The following ENAH variants were observed in gnomAD, a reference collection of about 807,000 sequenced individuals.
ENAH encodes ENAH actin regulator, also known as protein enabled homolog.
Under a neutral mutation model 78.7 loss-of-function variants are expected in ENAH, and 23 were observed. That is an observed-to-expected ratio of 0.29 (90% CI 0.21 to 0.41). The LOEUF is 0.41. Among genes scored for constraint, ENAH ranks in the 10% least tolerant of loss-of-function variants. ENAH has a pLI of 1.00. For missense variants in ENAH, 544 were observed against 691.0 expected (o/e 0.79, Z 2.39); for synonymous variants, 226 against 241.0 (o/e 0.94, Z 0.58).
chr1:225,605,036 T>C (rs532830089), intron 1 of ENAH, among the ~76,000 whole-genome samples: 45 of 152,270 alleles, frequency 3.0e-4, no homozygotes, highest in African/African-American at 1.0e-3. Flanking sequence ...AACGTGAATA[T>C]CCACTGACTC....
chr1:225,571,890 C>A (rs866985573), intron 1 of ENAH, among the ~76,000 whole-genome samples: 2 of 152,140 alleles, frequency 1.3e-5, no homozygotes, highest in Admixed American at 6.5e-5. Flanking sequence ...TTACCCTATG[C>A]CTCTCTTCCA....
intron 5 of ENAH, among the ~76,000 whole-genome samples, chr1:225,518,796 C>T (rs1289768163): frequency 1.3e-5 from 2 of 152,068 alleles, no homozygotes; most frequent in Non-Finnish European, 2.9e-5. Flanking sequence ...CTTTAGAATG[C>T]AATCAAGCAA....
At chr1:225,608,190 T>G (rs2096966392) in intron 1 of ENAH, among the ~76,000 whole-genome samples, 1 of 106,684 alleles carries the variant, frequency 9.4e-6, no homozygotes, top group African/African-American at 3.6e-5. Flanking sequence ...AAACTTTAAA[T>G]CCAATAAAGG....
rs1018126917 is a variant in ENAH at position 225,494,457 on chromosome 1, G to A, written c.*3318C>T. Reference sequence around the variant, plus strand: ...ACATAAAGGATAATTCTAACTGCATGAATGAGTTTTAAGTACCTGAACGTG... The same window carrying A: ...ACATAAAGGATAATTCTAACTGCATAAATGAGTTTTAAGTACCTGAACGTG... On this transcript the variant is annotated 3_prime_UTR_variant, in exon 14 of 14. Transcript: ENST00000366843. The A allele has an allele frequency of 6.6e-6, 1 of 152,080 alleles. No homozygotes were observed. The highest frequency in any genetic ancestry group is 2.4e-5 in the African/African-American group (1 of 41,400). 9.4% of individuals were successfully genotyped at this position (152,080 alleles called of 1,614,324 possible).
At chr1:225,632,015 T>A (rs1659176066) in intron 1 of ENAH, among the ~76,000 whole-genome samples, 1 of 152,226 alleles carries the variant, frequency 6.6e-6, no homozygotes, top group Admixed American at 6.5e-5. Context: ...TAGTAACAAT[T>A]CACAAAACAT....
intron 12 of ENAH, among the ~76,000 whole-genome samples, chr1:225,499,366 C>T (rs546695424): frequency 3.9e-5 from 6 of 152,168 alleles, no homozygotes; most frequent in African/African-American, 1.4e-4. Context: ...GTGCTCTGGG[C>T]CCTCCTTCAA....
At position 225,533,192 on chromosome 1, in the gene ENAH, G is replaced by A. The variant is rs539327818; in HGVS notation, c.350-2554C>T. ...AGTTCCAGGTAAATATAAATTTAAG[G>A]TACACAATTACATTTTTCCTTCTTG... is the stretch of plus-strand genomic sequence containing the variant. On this transcript the variant is annotated intron_variant, in intron 3 of 13. Transcript: ENST00000366843. 5.3e-5 allele frequency among the ~76,000 whole-genome samples: 8 copies of A among 152,068 alleles called. No homozygotes were observed. In the South Asian group the frequency reaches 1.5e-3, roughly 28 times the overall value.
intron 11 of ENAH, among the ~76,000 whole-genome samples, chr1:225,503,001 A>G (rs1253214305): frequency 1.3e-5 from 2 of 152,240 alleles, no homozygotes; most frequent in Non-Finnish European, 2.9e-5. Flanking sequence ...TAATTGGGCA[A>G]GTATGTTATG....
intron 1 of ENAH, among the ~76,000 whole-genome samples, chr1:225,649,420 TAACA>T (rs1331102784): frequency 6.6e-6 from 1 of 151,080 alleles, no homozygotes; most frequent in Non-Finnish European, 1.5e-5. Flanking sequence ...AAATCTTAAG[TAACA>T]AACCAACTAA....
At chr1:225,558,895 A>C (rs1334923689) in intron 2 of ENAH, among the ~76,000 whole-genome samples, 1 of 151,986 alleles carries the variant, frequency 6.6e-6, no homozygotes, top group African/African-American at 2.4e-5. Flanking sequence ...GGCCTCCCAA[A>C]GTGCTGGGAT....
intron 1 of ENAH, among the ~76,000 whole-genome samples, chr1:225,623,464 CT>C (rs926055825): frequency 8.6e-5 from 13 of 151,646 alleles, no homozygotes; most frequent in Non-Finnish European, 1.9e-4. Flanking sequence ...ACAAATTTTT[CT>C]TTTTTTTAGA....
chr1:225,493,690 T>A lies in ENAH; in HGVS notation c.*4085A>T, dbSNP rs567105116. 4 of 152,304 alleles carry A rather than the reference T, an allele frequency of 2.6e-5. No individual in the cohort carries two copies. Among genetic ancestry groups the A allele is most frequent in the Non-Finnish European group, 5.9e-5 (4 of 68,018 alleles). The allele number at this position is 152,304 out of a possible 1,614,324, so 9.4% of individuals were successfully genotyped here. On this transcript the variant is annotated 3_prime_UTR_variant, in exon 14 of 14. Transcript: ENST00000366843. ...ATTTTATGATAGCTACATAAAGGAA[T>A]TAAGAGCTCCTGCAGAGTTCCTTTG...
chr1:225,561,619 T>TTAAATAAAATAAAATAAAATAAAA (rs2096706280), intron 2 of ENAH, among the ~76,000 whole-genome samples: 1 of 125,810 alleles, frequency 7.9e-6, no homozygotes, highest in African/African-American at 3.0e-5. Context: ...AGATTCCGTC[T>TTAAATAAAATAAAATAAAATAAAA]TAAAATAAAA....
chr1:225,651,635 C>T (rs1663025867), intron 1 of ENAH, among the ~76,000 whole-genome samples: 1 of 152,144 alleles, frequency 6.6e-6, no homozygotes, highest in Non-Finnish European at 1.5e-5. Context: ...GAGTAATTTA[C>T]TTTATCCACA....
chr1:225,528,372 C>T (rs1488351046), intron 4 of ENAH, among the ~76,000 whole-genome samples: 1 of 151,866 alleles, frequency 6.6e-6, no homozygotes, highest in South Asian at 2.1e-4. Flanking sequence ...AAACACAGAG[C>T]GAAAGATGAG....
chr1:225,558,455 T>C (rs1427889731), intron 2 of ENAH, among the ~76,000 whole-genome samples: 1 of 152,064 alleles, frequency 6.6e-6, no homozygotes, highest in Non-Finnish European at 1.5e-5. Flanking sequence ...TAAAATAAAG[T>C]AGCTCAAAAT....
At chr1:225,575,594 C>T (rs1294506675) in intron 1 of ENAH, among the ~76,000 whole-genome samples, 1 of 152,188 alleles carries the variant, frequency 6.6e-6, no homozygotes, top group African/African-American at 2.4e-5. Context: ...AATAACACGC[C>T]TTCCCCTCTT....
At chr1:225,543,146 T>C (rs2096597766) in intron 3 of ENAH, among the ~76,000 whole-genome samples, 2 of 152,168 alleles carry the variant, frequency 1.3e-5, no homozygotes, top group African/African-American at 4.8e-5. Flanking sequence ...ATAAGGCTAA[T>C]TCCATTAGTT....
At chr1:225,563,491 T>C (rs1180579322) in intron 2 of ENAH, among the ~76,000 whole-genome samples, 1 of 152,214 alleles carries the variant, frequency 6.6e-6, no homozygotes, top group African/African-American at 2.4e-5. Context: ...AACTGTTATG[T>C]ATTGATTCAA....
Sources: gnomAD v4.1 joint callset for allele counts (sites outside exome capture counted in the v4.1 genomes callset) on GRCh38, gnomAD v4.1.1 for gene constraint, MANE v1.5 for transcripts, NCBI Gene and HGNC (gene_info 2026-07-23, HGNC 2026-07-21) for gene names.